Variants in BAG4 observed in about 807,000 individuals in gnomAD.
The protein encoded by BAG4 is BAG family molecular chaperone regulator 4.
BAG4 carries 28 observed loss-of-function variants against 52.1 expected under a neutral mutation model. The ratio of observed to expected loss-of-function variants is 0.54; its 90% CI spans 0.40 to 0.74. The LOEUF is 0.74. BAG4 is among the 30% of genes least tolerant of loss of function. The probability of loss-of-function intolerance (pLI) is 0.00; values close to 1 mark genes in which losing one functional copy is unlikely to be tolerated. For missense variants in BAG4, 525 were observed against 572.0 expected (o/e 0.92, Z 0.84); for synonymous variants, 208 against 217.0 (o/e 0.96, Z 0.37).
intron 2 of BAG4, among the ~76,000 whole-genome samples, chr8:38,203,200 T>G (rs1476595721): frequency 6.6e-6 from 1 of 152,094 alleles, no homozygotes; most frequent in African/African-American, 2.4e-5. Flanking sequence ...GGGCCTGTTG[T>G]AGGAGCTGAT....
chr8:38,185,746 G>A (rs1803355366), intron 1 of BAG4, among the ~76,000 whole-genome samples: 3 of 152,146 alleles, frequency 2.0e-5, no homozygotes, highest in South Asian at 2.1e-4. Flanking sequence ...TGTATTTTTA[G>A]TAGAGACAGG....
chr8:38,192,847 A>G (rs1208422222), intron 2 of BAG4, 52 bp downstream of exon 2: 1 of 1,405,958 alleles, frequency 7.1e-7, no homozygotes, highest in Non-Finnish European at 9.8e-7. Flanking sequence ...GAATAGATTT[A>G]TTTTCAAAAC....
At chr8:38,181,072 C>T (rs1436191084) in intron 1 of BAG4, among the ~76,000 whole-genome samples, 5 of 151,712 alleles carry the variant, frequency 3.3e-5, no homozygotes, top group Non-Finnish European at 5.9e-5. Flanking sequence ...TCCCGAGTAG[C>T]TGGGATTACA....
chr8:38,180,522 CA>C (rs1161178024), intron 1 of BAG4, among the ~76,000 whole-genome samples: 1,141 of 26,452 alleles, frequency 0.043, 5 homozygotes, highest in African/African-American at 0.1. Context: ...GACTCCGTCT[CA>C]AAAAAAAAAA....
rs1291361815 is a variant in BAG4 at position 38,210,721 on chromosome 8, A to G, written c.*228A>G. Reference sequence around the variant, plus strand: ...GTAATAGGAAACTATGGAGTTACCAATATTGCCAAGTAGACTCACTCCTTA... The same window carrying G: ...GTAATAGGAAACTATGGAGTTACCAGTATTGCCAAGTAGACTCACTCCTTA... On this transcript the variant is annotated 3_prime_UTR_variant, in exon 5 of 5. Transcript: ENST00000287322. The G allele has an allele frequency of 8.6e-6, 4 of 464,930 alleles. No homozygotes were observed. Among genetic ancestry groups the G allele is most frequent in the African/African-American group, 2.0e-5 (1 of 49,122 alleles). The allele number at this position is 464,930 out of a possible 1,614,324, so 28.8% of individuals were successfully genotyped here.
In BAG4 at chr8:38,209,052, G is replaced by A. The variant is rs145302681; in HGVS notation, c.673G>A (p.Gly225Ser). 37 of 1,614,156 alleles carry A rather than the reference G, an allele frequency of 2.3e-5. No homozygotes were observed. In the African/African-American group the frequency reaches 4.8e-4, roughly 21 times the overall value. ...MTLPHYPYGD[G>S]NRSVPQSGPT... ...CCTGCCCCATTATCCTTATGGAGAT[G>A]GTAATCGTAGTGTTCCACAATCAGG... Residue 225 changes from glycine (G) to serine (S), a missense_variant, in exon 4 of 5, where the codon GGT becomes AGT. Transcript: ENST00000287322.
chr8:38,187,209 T>C (rs542921867), intron 1 of BAG4, among the ~76,000 whole-genome samples: 114 of 152,144 alleles, frequency 7.5e-4, no homozygotes, highest in Non-Finnish European at 1.5e-3. Context: ...CAAAGAAAGG[T>C]GTGTGATAAT....
At chr8:38,197,710 A>G (rs954452421) in intron 2 of BAG4, among the ~76,000 whole-genome samples, 1 of 152,026 alleles carries the variant, frequency 6.6e-6, no homozygotes, top group Non-Finnish European at 1.5e-5. Flanking sequence ...ATTTTAAGTT[A>G]TTTTTTTGAG....
intron 1 of BAG4, among the ~76,000 whole-genome samples, chr8:38,182,104 T>A (rs1223109470): frequency 6.6e-6 from 1 of 152,048 alleles, no homozygotes; most frequent in East Asian, 1.9e-4. Flanking sequence ...GTGGTAAATG[T>A]TTGAACCAGA....
intron 2 of BAG4, among the ~76,000 whole-genome samples, chr8:38,198,834 A>G (rs192845800): frequency 6.6e-6 from 1 of 152,282 alleles, no homozygotes; most frequent in East Asian, 1.9e-4. Flanking sequence ...AGACGCAAAC[A>G]TACATTAGCA....
intron 1 of BAG4, among the ~76,000 whole-genome samples, chr8:38,179,953 CAA>C: frequency 6.6e-6 from 1 of 152,118 alleles, no homozygotes; most frequent in East Asian, 1.9e-4. Flanking sequence ...TTATCAAAAC[CAA>C]AGTCTGTTTT....
chr8:38,192,915 T>TC, intron 2 of BAG4, 120 bp downstream of exon 2: 2 of 624,336 alleles, frequency 3.2e-6, no homozygotes, highest in Non-Finnish European at 5.3e-6. Context: ...TTTAATGGGC[T>TC]CCATCAATCT....
At chr8:38,178,975 T>TA (rs370038948) in intron 1 of BAG4, among the ~76,000 whole-genome samples, 2 of 116,738 alleles carry the variant, frequency 1.7e-5, no homozygotes, top group Non-Finnish European at 3.8e-5. Flanking sequence ...TCTCTAAAAA[T>TA]AAAAAAATAA....
At position 38,176,989 on chromosome 8, in the gene BAG4, C is replaced by T. The variant is rs1261014480; in HGVS notation, c.120C>T (p.Arg40=). Residue 40 remains arginine, a synonymous_variant, in exon 1 of 5, where the codon CGC becomes CGT. Transcript: ENST00000287322. ...VHPPPPLYPL[R]PEPPQPPISW... Reference sequence around the variant, plus strand: ...CACCTCCACCCTTATATCCTCTTCGCCCTGAACCTCCCCAGCCTCCCATTT... The same window carrying T: ...CACCTCCACCCTTATATCCTCTTCGTCCTGAACCTCCCCAGCCTCCCATTT... 1.3e-6 allele frequency: 2 copies of T among 1,591,922 alleles called. No individual in the cohort carries two copies. Among genetic ancestry groups the T allele is most frequent in the Non-Finnish European group, 1.7e-6 (2 of 1,169,450 alleles).
At chr8:38,198,055 G>T (rs2130680388) in intron 2 of BAG4, among the ~76,000 whole-genome samples, 1 of 152,042 alleles carries the variant, frequency 6.6e-6, no homozygotes, top group East Asian at 1.9e-4. Context: ...GTAATACTTA[G>T]CTTAAAATAC....
rs750356325 is a variant in BAG4, at chr8:38,207,701, C to T, written c.568C>T (p.Gln190Ter). ...TCCAGTCTCTCGTTGGATCTATCCC[C>T]AGCAGGACTGTCAGACTGAAGCACC... ...PTPVSRWIYP[Q>*]QDCQTEAPPL... Residue 190 changes from glutamine (Q) to a stop codon, truncating the protein, a stop_gained, in exon 3 of 5, where the codon CAG becomes TAG. Coordinates refer to ENST00000287322, the MANE Select transcript of BAG4 (RefSeq NM_004874.4). LOFTEE classifies it high-confidence loss of function. The T allele has an allele frequency of 1.2e-6, 2 of 1,614,136 alleles. No individual in the cohort carries two copies. The highest frequency in any genetic ancestry group is 1.7e-5 in the Admixed American group (1 of 60,022).
chr8:38,191,260 T>C (rs1043859586), intron 1 of BAG4, among the ~76,000 whole-genome samples: 2 of 152,102 alleles, frequency 1.3e-5, no homozygotes, highest in Non-Finnish European at 2.9e-5. Context: ...AGTACCAAGA[T>C]AACAAACAGT....
intron 1 of BAG4, among the ~76,000 whole-genome samples, chr8:38,184,812 C>T (rs1029775167): frequency 7.2e-5 from 11 of 152,134 alleles, no homozygotes; most frequent in African/African-American, 2.7e-4. Context: ...TGCTTGCGGC[C>T]GGGCGCAGTG....
At chr8:38,195,756 A>G (rs572574619) in intron 2 of BAG4, among the ~76,000 whole-genome samples, 13 of 152,330 alleles carry the variant, frequency 8.5e-5, no homozygotes, top group African/African-American at 3.1e-4. Context: ...TAAATGTTAC[A>G]TAGTTGTGGT....
Sources: allele counts gnomAD v4.1 joint callset (sites outside exome capture counted in the v4.1 genomes callset), GRCh38; gene constraint gnomAD v4.1.1; transcripts MANE v1.5; gene names NCBI Gene and HGNC (gene_info 2026-07-23, HGNC 2026-07-21).